The following DPH6 variants were observed in gnomAD, a reference collection of about 807,000 sequenced individuals.
The protein encoded by DPH6 is diphthine--ammonia ligase.
DPH6 carries 33 observed loss-of-function variants against 38.2 expected under a neutral mutation model. The observed-to-expected ratio is 0.86, with a 90% CI of 0.65 to 1.15. The LOEUF (loss-of-function observed/expected upper bound fraction) is 1.15. Among genes scored for constraint, DPH6 ranks in the 50% most tolerant of loss-of-function variants. The pLI, the probability that DPH6 is intolerant of heterozygous loss-of-function variation, is 0.00. For missense variants in DPH6, 325 were observed against 320.0 expected (o/e 1.02, Z -0.12); for synonymous variants, 108 against 103.0 (o/e 1.05, Z -0.30).
chr15:35,441,525 C>T (rs2053788039), intron 5 of DPH6, among the ~76,000 whole-genome samples: 1 of 152,158 alleles, frequency 6.6e-6, no homozygotes, highest in South Asian at 2.1e-4. Flanking sequence ...ATGGATGAAG[C>T]TGGAAACCAT....
rs528003358 is a variant in DPH6, at chr15:35,222,677, T to C, written n.201-2095A>G. Among the ~76,000 whole-genome samples the C allele has an allele frequency of 5.3e-5, 8 of 152,246 alleles. No homozygotes were observed. In the East Asian group the frequency reaches 1.5e-3, roughly 29 times the overall value. The stretch of plus-strand genomic sequence containing the variant: ...TTATGTCTTAGTCTGGCTCAGTGAA[T>C]CTGCATTTTTACATAAACAATAGGG... On this transcript the variant is annotated intron_variant and non_coding_transcript_variant, in intron 3 of 3. Transcript: ENST00000560386.
At chr15:35,358,226 A>AT (rs1273227371) in intron 3 of DPH6, among the ~76,000 whole-genome samples, 2 of 151,890 alleles carry the variant, frequency 1.3e-5, no homozygotes, top group African/African-American at 4.8e-5. Context: ...AGTTTTCTGA[A>AT]TTTTTGATTT....
intron 3 of DPH6, among the ~76,000 whole-genome samples, chr15:35,484,053 G>A (rs182574554): frequency 1.3e-5 from 2 of 152,226 alleles, no homozygotes; most frequent in East Asian, 1.9e-4. Context: ...ACTGCAAATT[G>A]GCAATGTGAT....
chr15:35,461,381 T>C (rs2054065360), intron 3 of DPH6, among the ~76,000 whole-genome samples: 1 of 152,186 alleles, frequency 6.6e-6, no homozygotes, highest in Non-Finnish European at 1.5e-5. Context: ...CCAGAATACA[T>C]TTTTGTTAAT....
At chr15:35,227,339 A>G (rs1482604169) in intron 3 of DPH6, among the ~76,000 whole-genome samples, 1 of 151,116 alleles carries the variant, frequency 6.6e-6, no homozygotes, top group African/African-American at 2.4e-5. Context: ...GCCCGCCACC[A>G]CACCCGGCTA....
At chr15:35,214,044 A>G (rs181197005), downstream of DPH6, among the ~76,000 whole-genome samples, 799 of 151,952 alleles carry the variant, frequency 5.3e-3, 1 homozygote, top group Non-Finnish European at 8.4e-3. Context: ...CCCGCGAGAC[A>G]GAGCTTGCAG....
intron 3 of DPH6, among the ~76,000 whole-genome samples, chr15:35,363,548 G>A (rs1016574769): frequency 2.0e-5 from 3 of 151,674 alleles, no homozygotes; most frequent in African/African-American, 4.8e-5. Context: ...ATAGACTTTG[G>A]GTTTGCCTTC....
At chr15:35,229,277 T>C (rs2051501841) in intron 3 of DPH6, among the ~76,000 whole-genome samples, 1 of 152,004 alleles carries the variant, frequency 6.6e-6, no homozygotes, top group African/African-American at 2.4e-5. Context: ...ATAGACTGTC[T>C]TCAAGTTCAC....
chr15:35,366,117 T>C, downstream of DPH6: 1 of 729,674 alleles, frequency 1.4e-6, no homozygotes. Context: ...AGTGGCAGCA[T>C]ACCTCCATGG....
chr15:35,285,872 G>GTTTTTTTGTTTTTTTTT (rs1555391171), intron 3 of DPH6, among the ~76,000 whole-genome samples: 1 of 52,794 alleles, frequency 1.9e-5, no homozygotes, highest in Non-Finnish European at 3.3e-5. Flanking sequence ...TTATCTTTGA[G>GTTTTTTTGTTTTTTTTT]TTTTTTTTTT....
intron 3 of DPH6, among the ~76,000 whole-genome samples, chr15:35,334,149 C>T (rs1188838897): frequency 6.6e-6 from 1 of 151,912 alleles, no homozygotes; most frequent in East Asian, 1.9e-4. Flanking sequence ...GGGAAGGATA[C>T]TTACATAAGA....
intron 3 of DPH6, among the ~76,000 whole-genome samples, chr15:35,254,773 C>T (rs911698008): frequency 2.0e-5 from 3 of 151,268 alleles, no homozygotes; most frequent in South Asian, 2.1e-4. Context: ...AGAGAGTCAG[C>T]GAAGGGAGAT....
chr15:35,520,902 C>T (rs940811690), intron 3 of DPH6: 26 of 985,058 alleles, frequency 2.6e-5, no homozygotes, highest in Non-Finnish European at 3.0e-5. Flanking sequence ...GTATACAACT[C>T]ATTTTGTCAC....
chr15:35,330,212 C>G (rs907369567), downstream of DPH6, among the ~76,000 whole-genome samples: 1 of 152,088 alleles, frequency 6.6e-6, no homozygotes, highest in Admixed American at 6.6e-5. Flanking sequence ...GCCATGAACT[C>G]AGCTGCACAA....
rs533811879 is a variant in DPH6, at chr15:35,343,710, T to C, written n.208-12633A>G. On this transcript the variant is annotated intron_variant and non_coding_transcript_variant, in intron 3 of 3. Coordinates refer to the DPH6 transcript ENST00000558973. The stretch of plus-strand genomic sequence containing the variant: ...ATTGAGTGCCTACTAAACGTTGGAT[T>C]TGGTGACATTGTATACACTGTACTG... Among the ~76,000 whole-genome samples the C allele has an allele frequency of 2.0e-5, 3 of 152,130 alleles. No homozygotes were observed. In the East Asian group the frequency reaches 5.8e-4, roughly 29 times the overall value.
chr15:35,315,141 C>T lies in DPH6; in HGVS notation n.200+58380G>A, dbSNP rs946029666. Among the ~76,000 whole-genome samples the T allele has an allele frequency of 4.6e-5, 7 of 152,172 alleles. No homozygotes were observed. The South Asian group carries it at 8.3e-4, about 18-fold the overall frequency. Reference sequence around the variant, plus strand: ...TTCACGACAACACCTGACCTCATGTCGCACAACCAACACTTCAAAAGTTGA... The same window carrying T: ...TTCACGACAACACCTGACCTCATGTTGCACAACCAACACTTCAAAAGTTGA... On this transcript the variant is annotated intron_variant and non_coding_transcript_variant, in intron 3 of 3. Transcript: ENST00000560386.
chr15:35,542,183 A>G (rs1276386345), intron 2 of DPH6, among the ~76,000 whole-genome samples: 1 of 152,122 alleles, frequency 6.6e-6, no homozygotes, highest in African/African-American at 2.4e-5. Flanking sequence ...AAGCTTCAGG[A>G]TCCCTGTCTA....
intron 3 of DPH6, among the ~76,000 whole-genome samples, chr15:35,275,207 G>A (rs375999332): frequency 3.0e-4 from 45 of 152,062 alleles, no homozygotes; most frequent in African/African-American, 1.0e-3. Context: ...GAGCCACCGC[G>A]CCTGGCTGAT....
chr15:35,295,197 T>A (rs2140790603), intron 3 of DPH6, among the ~76,000 whole-genome samples: 1 of 152,268 alleles, frequency 6.6e-6, no homozygotes, highest in Non-Finnish European at 1.5e-5. Context: ...TTAATTTCAG[T>A]CCAAGCCTCC....
Sources: gnomAD v4.1 joint callset for allele counts (sites outside exome capture counted in the v4.1 genomes callset) on GRCh38, gnomAD v4.1.1 for gene constraint, MANE v1.5 for transcripts, NCBI Gene and HGNC (gene_info 2026-07-23, HGNC 2026-07-21) for gene names.